Variants in QTMAN observed in about 807,000 individuals in gnomAD.
QTMAN encodes tRNA-queuosine alpha-mannosyltransferase.
At chr2:144,181,908 A>G in the QTMAN span, among the ~76,000 whole-genome samples, 7 of 152,208 alleles carry the variant, frequency 4.6e-5, no homozygotes, top group African/African-American at 1.7e-4. Context: ...TAGTGAACAT[A>G]TCCAATTAAA....
At chr2:144,315,014 TA>T in the QTMAN span, among the ~76,000 whole-genome samples, 99 of 152,202 alleles carry the variant, frequency 6.5e-4, no homozygotes, top group African/African-American at 2.3e-3. Flanking sequence ...GCTTCCCAAG[TA>T]GCTGGAATTA....
the QTMAN span, among the ~76,000 whole-genome samples, chr2:143,967,410 A>G: frequency 6.6e-6 from 1 of 151,572 alleles, no homozygotes; most frequent in African/African-American, 2.4e-5. Context: ...GGCTCACTGC[A>G]ACCTGTGCCT....
chr2:144,189,578 G>C, the QTMAN span, among the ~76,000 whole-genome samples: 1 of 152,036 alleles, frequency 6.6e-6, no homozygotes, highest in Admixed American at 6.5e-5. Flanking sequence ...GACATTATAA[G>C]TATGTTCTGT....
the QTMAN span, chr2:143,970,748 T>C: frequency 6.4e-7 from 1 of 1,553,312 alleles, no homozygotes; most frequent in Non-Finnish European, 8.9e-7. Context: ...GCTTTCTGGA[T>C]CTTTATCATG....
chr2:144,067,321 T>A, the QTMAN span, among the ~76,000 whole-genome samples: 340 of 152,376 alleles, frequency 2.2e-3, 3 homozygotes, highest in Non-Finnish European at 3.1e-3. Flanking sequence ...TAAAAATTAA[T>A]ATATAATGAT....
At chr2:144,062,952 C>T in the QTMAN span, among the ~76,000 whole-genome samples, 1 of 152,180 alleles carries the variant, frequency 6.6e-6, no homozygotes, top group Admixed American at 6.5e-5. Flanking sequence ...ATGAGAAAGG[C>T]TCAGAAAGGT....
the QTMAN span, chr2:144,332,505 G>A: frequency 4.1e-5 from 6 of 147,592 alleles, no homozygotes; most frequent in Admixed American, 3.4e-4. Flanking sequence ...GCGACGCGCT[G>A]ACGCCGTGCC....
the QTMAN span, among the ~76,000 whole-genome samples, chr2:144,075,570 T>C: frequency 6.6e-6 from 1 of 152,310 alleles, no homozygotes; most frequent in South Asian, 2.1e-4. Context: ...CTGTAGCCCT[T>C]ACAAAGAAGT....
At chr2:144,080,287 A>G in the QTMAN span, among the ~76,000 whole-genome samples, 1 of 152,190 alleles carries the variant, frequency 6.6e-6, no homozygotes, top group Non-Finnish European at 1.5e-5. Flanking sequence ...ATTTCTGGAA[A>G]GAATGACATC....
At chr2:144,091,817 G>T in the QTMAN span, among the ~76,000 whole-genome samples, 1 of 152,010 alleles carries the variant, frequency 6.6e-6, no homozygotes, top group Non-Finnish European at 1.5e-5. Context: ...ACAAATTGTG[G>T]TATATCCATA....
At chr2:143,984,627 A>T in the QTMAN span, among the ~76,000 whole-genome samples, 2 of 152,168 alleles carry the variant, frequency 1.3e-5, no homozygotes, top group Non-Finnish European at 2.9e-5. Flanking sequence ...TTCCCACCTG[A>T]ATGTTGCCTT....
chr2:144,255,943 G>A, the QTMAN span, among the ~76,000 whole-genome samples: 1 of 151,990 alleles, frequency 6.6e-6, no homozygotes, highest in Non-Finnish European at 1.5e-5. Flanking sequence ...AGGCTGAAGG[G>A]GACTATCCTC....
chr2:144,264,393 C>T, the QTMAN span, among the ~76,000 whole-genome samples: 1 of 152,270 alleles, frequency 6.6e-6, no homozygotes, highest in South Asian at 2.1e-4. Context: ...TAGCCTATTT[C>T]CCACATCCCA....
chr2:143,960,050 A>G, the QTMAN span, among the ~76,000 whole-genome samples: 387 of 152,270 alleles, frequency 2.5e-3, 2 homozygotes, highest in African/African-American at 8.5e-3. Context: ...TTCAATTATA[A>G]ATATGTCTAC....
At chr2:144,113,247 GA>G in the QTMAN span, among the ~76,000 whole-genome samples, 512 of 151,000 alleles carry the variant, frequency 3.4e-3, 1 homozygote, top group African/African-American at 0.012. Flanking sequence ...AAAAAAGAGG[GA>G]AAAAAAATAA....
the QTMAN span, among the ~76,000 whole-genome samples, chr2:144,135,969 T>C: frequency 1.3e-5 from 2 of 151,948 alleles, no homozygotes; most frequent in African/African-American, 2.4e-5. Flanking sequence ...GAGCATAGAG[T>C]AATAATCAAT....
chr2:144,129,108 A>G, the QTMAN span, among the ~76,000 whole-genome samples: 25,004 of 151,784 alleles, frequency 0.16, 3,946 homozygotes, highest in African/African-American at 0.4. Context: ...ATTATAAAAT[A>G]AGTTTTGATA....
At chr2:144,183,446 C>G in the QTMAN span, among the ~76,000 whole-genome samples, 7 of 152,034 alleles carry the variant, frequency 4.6e-5, no homozygotes, top group South Asian at 1.5e-3. Flanking sequence ...AATACTTGTC[C>G]AACAGTTTTC....
At chr2:144,024,935 T>G in the QTMAN span, among the ~76,000 whole-genome samples, 2 of 152,166 alleles carry the variant, frequency 1.3e-5, no homozygotes, top group South Asian at 2.1e-4. Flanking sequence ...AACAATCTAT[T>G]TTGAAAGAAA....
Sources: allele counts gnomAD v4.1 joint callset (sites outside exome capture counted in the v4.1 genomes callset), GRCh38; gene constraint gnomAD v4.1.1; transcripts MANE v1.5; gene names NCBI Gene and HGNC (gene_info 2026-07-23, HGNC 2026-07-21).